FCHO1: variants seen among roughly 807,000 people sequenced by gnomAD.
The protein encoded by FCHO1 is FCH and mu domain containing endocytic adaptor 1.
In FCHO1, 45 loss-of-function variants were observed where a neutral mutation model predicts 114.4. That is an observed-to-expected ratio of 0.39 (90% CI 0.31 to 0.50). FCHO1 has a LOEUF of 0.50. Ranked by LOEUF, FCHO1 falls within the 20% of genes least tolerant of loss-of-function variation. The pLI is 0.77. For synonymous variants in FCHO1, 480 were observed against 488.9 expected (o/e 0.98, Z 0.24); for missense variants, 1,042 against 1,209.6 (o/e 0.86, Z 2.06).
At chr19:17,764,474 A>G (rs776461187) in intron 6 of FCHO1, 25 bp downstream of exon 6, 1 of 1,582,518 alleles carries the variant, frequency 6.3e-7, no homozygotes, top group Non-Finnish European at 8.6e-7. Context: ...GGTCACCAAC[A>G]TGGGGACATT....
In FCHO1 at chr19:17,778,618, GCCT is replaced by G; in HGVS notation, c.1362_1364del (p.Ser454_Leu455delinsArg). ...CGCTTCCCTCCCCAAGGCTCTAGCA[GCCT>G]GGGCTTCACCTCCAGCCCCTCCCCT... On this transcript the variant is annotated inframe_deletion, in exon 20 of 29. Coordinates refer to ENST00000596536, the MANE Select transcript of FCHO1 (RefSeq NM_015122.3). 1 of 1,565,320 alleles carries G rather than the reference GCCT, an allele frequency of 6.4e-7. No individual in the cohort carries two copies. Among genetic ancestry groups the G allele is most frequent in the African/African-American group, 1.4e-5 (1 of 73,748 alleles).
At position 17,775,135 on chromosome 19, in the gene FCHO1, A is replaced by G; in HGVS notation, c.945+55A>G. On this transcript the variant is annotated intron_variant, in intron 14 of 28. Coordinates refer to ENST00000596536, the MANE Select transcript of FCHO1 (RefSeq NM_015122.3). This position sits in a 1 kb window ranked among gnomAD's most constrained non-coding sequence, Gnocchi z 5.1. ...CTACAAGTGGAAGGAGTTTGATCCC[A>G]CTCTTGGCTCCTAGAGTCCCGATCC... is the stretch of plus-strand genomic sequence containing the variant. 1 of 1,567,270 alleles carries G rather than the reference A, an allele frequency of 6.4e-7. No individual in the cohort carries two copies. Among genetic ancestry groups the G allele is most frequent in the Non-Finnish European group, 8.7e-7 (1 of 1,147,710 alleles).
chr19:17,781,241 T>C lies in FCHO1; in HGVS notation c.1638T>C (p.Pro546=). Reference sequence around the variant, plus strand: ...TGTACTCGCTCCTAGACCTGATGCCTGCACCTGCTGACCCCACAGCCAGGG... The same window carrying C: ...TGTACTCGCTCCTAGACCTGATGCCCGCACCTGCTGACCCCACAGCCAGGG... The part of the protein sequence containing the change: ...LEALAGGDLM[P]APADPTAREG... The change falls in exon 21 of 29, where the codon CCT becomes CCC. Residue 546 remains proline, a synonymous_variant. Coordinates refer to ENST00000596536, the MANE Select transcript of FCHO1 (RefSeq NM_015122.3). 12 of 1,613,048 alleles carry C rather than the reference T, an allele frequency of 7.4e-6. No individual in the cohort carries two copies. The highest frequency in any genetic ancestry group is 1.0e-5 in the Non-Finnish European group (12 of 1,179,382).
chr19:17,777,148 T>G (rs2092728794), intron 18 of FCHO1, among the ~76,000 whole-genome samples: 1 of 152,138 alleles, frequency 6.6e-6, no homozygotes, highest in Non-Finnish European at 1.5e-5. Flanking sequence ...GAACATTTAT[T>G]GAGTGCCTGC....
chr19:17,769,142 G>T (rs1363374474), intron 7 of FCHO1, among the ~76,000 whole-genome samples: 1 of 151,634 alleles, frequency 6.6e-6, no homozygotes, highest in Non-Finnish European at 1.5e-5. Context: ...GGGCATGGTG[G>T]TGCATGCTTG....
At position 17,778,178 on chromosome 19, in the gene FCHO1, A is replaced by T. The variant is rs757857476; in HGVS notation, c.1301A>T (p.Asn434Ile). The change falls in exon 19 of 29, where the codon AAC becomes ATC. Residue 434 changes from asparagine to isoleucine, a missense_variant. This residue lies in a region of FCHO1 where 455 missense variants were observed against 455.4 expected (regional missense o/e 1.00). Coordinates refer to ENST00000596536, the MANE Select transcript of FCHO1 (RefSeq NM_015122.3). ...RLQSEEQVSK[N>I]LFGPPLESAF... ...CAGTCAGAGGAGCAGGTGTCCAAGA[A>T]CCTCTTTGGGCCGCCCCTGGAGTCA... The T allele has an allele frequency of 1.9e-6, 3 of 1,613,766 alleles. No homozygotes were observed. In the South Asian group the frequency reaches 3.3e-5, roughly 18 times the overall value.
intron 27 of FCHO1, among the ~76,000 whole-genome samples, chr19:17,786,982 G>T (rs188362444): frequency 1.3e-5 from 2 of 152,070 alleles, no homozygotes; most frequent in East Asian, 3.9e-4. Flanking sequence ...CCAGCACTTT[G>T]GGAGGCCGAG....
chr19:17,777,963 C>T (rs2092853873), intron 18 of FCHO1, among the ~76,000 whole-genome samples, 174 bp from the exon 19 acceptor site: 1 of 151,864 alleles, frequency 6.6e-6, no homozygotes, highest in Non-Finnish European at 1.5e-5. Flanking sequence ...CGCTTGAACG[C>T]AGGAAGCGGA....
rs1440805204 is a variant in FCHO1 at position 17,775,347 on chromosome 19, T to C, written c.946-109T>C. 46 of 1,189,350 alleles carry C rather than the reference T, an allele frequency of 3.9e-5. No individual in the cohort carries two copies. The highest frequency in any genetic ancestry group is 3.6e-5 in the Non-Finnish European group (29 of 797,716). The allele number at this position is 1,189,350 out of a possible 1,614,324, so 73.7% of individuals were successfully genotyped here. A position where few individuals can be genotyped will look rare whatever the true frequency, so the allele number is the denominator to read the frequency against. On this transcript the variant is annotated intron_variant, in intron 14 of 28. Coordinates refer to ENST00000596536, the MANE Select transcript of FCHO1 (RefSeq NM_015122.3). This position sits in a 1 kb window ranked among gnomAD's most constrained non-coding sequence, Gnocchi z 5.1. ...ACAGTCGTTGCCATCAGGGTTGGTT[T>C]TGAGGTCTGAGTCAAGGCCTGGGGG...
At position 17,778,590 on chromosome 19, in the gene FCHO1, G is replaced by T; in HGVS notation, c.1352-19G>T. On this transcript the variant is annotated intron_variant, in intron 19 of 28. Transcript: ENST00000596536. Reference sequence around the variant, plus strand: ...GAGTGGGCGAGGGTCGGAGCTGACCGCCCGCTTCCCTCCCCAAGGCTCTAG... The same window carrying T: ...GAGTGGGCGAGGGTCGGAGCTGACCTCCCGCTTCCCTCCCCAAGGCTCTAG... 5 of 1,519,772 alleles carry T rather than the reference G, an allele frequency of 3.3e-6. No homozygotes were observed. The highest frequency in any genetic ancestry group is 2.4e-5 in the East Asian group (1 of 40,888). 94.1% of individuals were successfully genotyped at this position (1,519,772 alleles called of 1,614,324 possible).
rs1725915032 is a variant in FCHO1 at position 17,784,614 on chromosome 19, C to A, written c.2227-111C>A. 23 of 1,018,102 alleles carry A rather than the reference C, an allele frequency of 2.3e-5. No homozygotes were observed. The South Asian group carries it at 2.9e-4, about 13-fold the overall frequency. The allele number at this position is 1,018,102 out of a possible 1,614,324, so 63.1% of individuals were successfully genotyped here. On this transcript the variant is annotated intron_variant, in intron 25 of 28. Transcript: ENST00000596536. The surrounding 1 kb of genome is among the most constrained non-coding windows in gnomAD (Gnocchi z 5.3). ...TCCATCAAATCTCCCTGTGACTGGA[C>A]CCCCTTGGGGCGGTGCGTGCATCGC... is the stretch of plus-strand genomic sequence containing the variant.
At chr19:17,783,280 T>G in intron 24 of FCHO1, 108 bp downstream of exon 24, 1 of 1,242,294 alleles carries the variant, frequency 8.0e-7, no homozygotes. Flanking sequence ...TCTTTTTTTT[T>G]TGTAGAGACG....
rs1171008697 is a variant in FCHO1 at position 17,775,373 on chromosome 19, C to T, written c.946-83C>T. 23 of 1,393,458 alleles carry T rather than the reference C, an allele frequency of 1.7e-5. No individual in the cohort carries two copies. Among genetic ancestry groups the T allele is most frequent in the African/African-American group, 8.5e-5 (6 of 70,536 alleles). The allele number at this position is 1,393,458 out of a possible 1,614,324, so 86.3% of individuals were successfully genotyped here. On this transcript the variant is annotated intron_variant, in intron 14 of 28. Transcript: ENST00000596536. The surrounding 1 kb of genome is among the most constrained non-coding windows in gnomAD (Gnocchi z 5.1). ...TGAGGTCTGAGTCAAGGCCTGGGGG[C>T]AGGGCGGGGGGCGGTTGGCAGGGTG...
At chr19:17,766,881 T>A in intron 7 of FCHO1, 71 bp downstream of exon 7, 4 of 1,493,568 alleles carry the variant, frequency 2.7e-6, no homozygotes, top group Non-Finnish European at 3.7e-6. Context: ...ACCCCAGATC[T>A]TCTGGGGCTT....
chr19:17,771,910 T>G (rs1043614409), intron 9 of FCHO1, among the ~76,000 whole-genome samples: 7 of 152,000 alleles, frequency 4.6e-5, no homozygotes, highest in African/African-American at 1.7e-4. Context: ...CCTCCTGGGC[T>G]CAAGTGATTC....
chr19:17,788,248 TCCCCACCCCTCCCCCTCACAGCTGCAC>T lies in FCHO1; in HGVS notation c.2648-29_2648-3del. 1 of 520,216 alleles carries T rather than the reference TCCCCACCCCTCCCCCTCACAGCTGCAC, an allele frequency of 1.9e-6. No homozygotes were observed. Among genetic ancestry groups the T allele is most frequent in the Non-Finnish European group, 3.5e-6 (1 of 284,362 alleles). 32.2% of individuals were successfully genotyped at this position (520,216 alleles called of 1,614,324 possible). On this transcript the variant is annotated splice_polypyrimidine_tract_variant and intron_variant, in intron 28 of 28. Coordinates refer to ENST00000596536, the MANE Select transcript of FCHO1 (RefSeq NM_015122.3). ...CGGGGAACCCCTCCCGTACCCCTCC[TCCCCACCCCTCCCCCTCACAGCTGCAC>T]CCCCACAGGGATGTACCTGGTGAGC...
intron 26 of FCHO1, among the ~76,000 whole-genome samples, chr19:17,785,161 C>A (rs2093760627): frequency 6.6e-6 from 1 of 152,054 alleles, no homozygotes; most frequent in Admixed American, 6.6e-5. Flanking sequence ...TTGAGACCAG[C>A]CTGGGCAATA....
intron 6 of FCHO1, 141 bp downstream of exon 6, chr19:17,764,590 C>G: frequency 1.5e-6 from 1 of 656,434 alleles, no homozygotes; most frequent in South Asian, 2.0e-5. Flanking sequence ...GTATATCATT[C>G]ATTCACACAC....
intron 27 of FCHO1, 87 bp from the exon 28 acceptor site, chr19:17,787,595 G>T: frequency 7.0e-7 from 1 of 1,418,644 alleles, no homozygotes; most frequent in South Asian, 1.4e-5. Flanking sequence ...CAGAACAGAG[G>T]GCTTCAGGTG....
Sources: gnomAD v4.1 joint callset for allele counts (sites outside exome capture counted in the v4.1 genomes callset) on GRCh38, gnomAD v4.1.1 for gene constraint, gnomAD v4.1.1 regional missense constraint, Gnocchi (gnomAD v3.1) non-coding constraint, MANE v1.5 for transcripts, NCBI Gene and HGNC (gene_info 2026-07-23, HGNC 2026-07-21) for gene names.